Variants in COL11A1 observed in about 807,000 individuals in gnomAD.
The protein encoded by COL11A1 is collagen alpha-1(XI) chain.
A neutral mutation model predicts 265.2 loss-of-function variants in COL11A1; 74 were observed. The ratio of observed to expected loss-of-function variants is 0.28; its 90% confidence interval spans 0.23 to 0.34. The LOEUF (loss-of-function observed/expected upper bound fraction) is 0.34. Ranked by LOEUF, COL11A1 falls within the 10% of genes least tolerant of loss-of-function variation. The probability of loss-of-function intolerance (pLI) is 1.00; values close to 1 mark genes in which losing one functional copy is unlikely to be tolerated. For synonymous variants in COL11A1, 816 were observed against 727.6 expected (o/e 1.12, Z -1.96); for missense variants, 2,165 against 2,263.6 (o/e 0.96, Z 0.88).
intron 1 of COL11A1, among the ~76,000 whole-genome samples, chr1:103,090,121 C>T (rs536576959): frequency 6.6e-6 from 1 of 151,264 alleles, no homozygotes; most frequent in East Asian, 1.9e-4. Flanking sequence ...GGCTTTGTCT[C>T]AAAATAAATA....
At chr1:102,933,815 G>A (rs1440578298) in intron 46 of COL11A1, among the ~76,000 whole-genome samples, 2 of 152,166 alleles carry the variant, frequency 1.3e-5, no homozygotes, top group African/African-American at 4.8e-5. Context: ...TAAGCCGGTC[G>A]GAAAAGTGCA....
chr1:102,880,226 A>T (rs1650058918), intron 65 of COL11A1, among the ~76,000 whole-genome samples: 1 of 152,184 alleles, frequency 6.6e-6, no homozygotes, highest in African/African-American at 2.4e-5. Flanking sequence ...AAATGTTTCA[A>T]TATATTTCTG....
chr1:102,923,515 T>C, intron 46 of COL11A1, 126 bp from the exon 47 acceptor site: 6 of 719,098 alleles, frequency 8.3e-6, no homozygotes, highest in South Asian at 1.8e-5. Flanking sequence ...ATTCAGATAC[T>C]AACATTTGTT....
At position 102,888,559 on chromosome 1, in the gene COL11A1, T is replaced by C. The variant is rs17127203; in HGVS notation, c.4608+18A>G. 0.12 allele frequency: 194,358 copies of C among 1,607,942 alleles called. 13,632 individuals carry two copies. The highest frequency in any genetic ancestry group is 0.29 in the East Asian group (12,953 of 44,794). On this transcript the variant is annotated intron_variant, in intron 62 of 66. Coordinates refer to ENST00000370096, the MANE Select transcript of COL11A1 (RefSeq NM_001854.4). ...GATGCAAACTGTCAGAACATCACTC[T>C]TGTTAACATATACTTACTGGAGACC...
At chr1:102,935,781 T>C (rs1658075077) in intron 44 of COL11A1, among the ~76,000 whole-genome samples, 1 of 152,200 alleles carries the variant, frequency 6.6e-6, no homozygotes, top group South Asian at 2.1e-4. Context: ...TATTGTTCTG[T>C]ATTGTAACTA....
intron 46 of COL11A1, among the ~76,000 whole-genome samples, chr1:102,928,503 T>A (rs1656925782): frequency 6.6e-6 from 1 of 152,202 alleles, no homozygotes; most frequent in African/African-American, 2.4e-5. Flanking sequence ...TCTATCATTG[T>A]TGGACATTTG....
At chr1:102,976,274 C>A (rs1662455675) in intron 35 of COL11A1, among the ~76,000 whole-genome samples, 1 of 115,506 alleles carries the variant, frequency 8.7e-6, no homozygotes, top group Admixed American at 9.8e-5. Flanking sequence ...TATAAAATTT[C>A]ACAGAAAACG....
chr1:102,899,040 T>C lies in COL11A1; in HGVS notation c.4087-46A>G, dbSNP rs770004206. 13 of 1,112,358 alleles carry C rather than the reference T, an allele frequency of 1.2e-5. No individual in the cohort carries two copies. The South Asian group carries it at 2.1e-4, about 18-fold the overall frequency. 68.9% of individuals were successfully genotyped at this position (1,112,358 alleles called of 1,614,324 possible). On this transcript the variant is annotated intron_variant, in intron 54 of 66. Coordinates refer to ENST00000370096, the MANE Select transcript of COL11A1 (RefSeq NM_001854.4). ...GTAAAATATGTATCACATATAAAAG[T>C]AATGTTAATGAGCACTTGTTTACAA...
intron 42 of COL11A1, among the ~76,000 whole-genome samples, chr1:102,946,359 T>C (rs1156339253): frequency 2.0e-5 from 3 of 151,824 alleles, no homozygotes; most frequent in Admixed American, 6.6e-5. Flanking sequence ...TAAAATCCAA[T>C]AGATATTAGA....
rs577043407 is a variant in COL11A1, at chr1:103,049,123, T to C, written c.652-17879A>G. Among the ~76,000 whole-genome samples the C allele has an allele frequency of 3.0e-4, 46 of 152,330 alleles. 1 individual carries two copies. The highest frequency in any genetic ancestry group is 5.3e-4 in the Non-Finnish European group (36 of 68,024). ...GCAGATGTCTATTAGGTCCACTTGGTGCAGAGCTGAGTTCAATTCCTGGGT... is the reference window on the plus strand; with the variant it reads ...GCAGATGTCTATTAGGTCCACTTGGCGCAGAGCTGAGTTCAATTCCTGGGT... On this transcript the variant is annotated intron_variant, in intron 4 of 66. Transcript: ENST00000370096.
At chr1:103,035,446 A>C (rs1668291122) in intron 4 of COL11A1, among the ~76,000 whole-genome samples, 2 of 152,120 alleles carry the variant, frequency 1.3e-5, no homozygotes, top group African/African-American at 2.4e-5. Flanking sequence ...GCTGACATAA[A>C]TGAAATATTA....
chr1:103,086,609 G>C (rs1047970236), intron 1 of COL11A1, among the ~76,000 whole-genome samples: 2 of 151,966 alleles, frequency 1.3e-5, no homozygotes, highest in African/African-American at 4.8e-5. Flanking sequence ...GTAGAGACGG[G>C]GTTTCACAGT....
intron 53 of COL11A1, among the ~76,000 whole-genome samples, chr1:102,912,837 C>T (rs576695010): frequency 6.6e-6 from 1 of 152,166 alleles, no homozygotes; most frequent in South Asian, 2.1e-4. Context: ...CTTCACTTTG[C>T]ACTCCTCTCT....
intron 11 of COL11A1, among the ~76,000 whole-genome samples, chr1:103,016,954 G>A (rs1019873178): frequency 1.3e-5 from 2 of 151,850 alleles, no homozygotes; most frequent in African/African-American, 4.8e-5. Context: ...ACCTGATATA[G>A]AGTTTAAGGT....
chr1:103,074,234 G>C (rs1198947291), intron 4 of COL11A1, among the ~76,000 whole-genome samples: 1 of 151,976 alleles, frequency 6.6e-6, no homozygotes, highest in African/African-American at 2.4e-5. Context: ...AAAGAACAGA[G>C]GAAGGCAAAA....
At chr1:103,004,395 G>A in intron 20 of COL11A1, 49 bp downstream of exon 20, 1 of 1,378,420 alleles carries the variant, frequency 7.3e-7, no homozygotes, top group East Asian at 2.3e-5. Flanking sequence ...CCAGTCACTA[G>A]TCCTAAAAAC....
At chr1:103,025,762 T>A (rs1164958487) in intron 6 of COL11A1, 149 bp from the exon 7 acceptor site, 3 of 1,609,846 alleles carry the variant, frequency 1.9e-6, no homozygotes, top group South Asian at 2.2e-5. Context: ...ATCTTCCAGC[T>A]TATCTAGGAT....
chr1:102,998,505 T>A lies in COL11A1; in HGVS notation c.2143-142A>T, dbSNP rs10874672. Reference sequence around the variant, plus strand: ...TAACCATTTAAATAACTTTTAAATATATTATTTGGAGGAAATGCCATGTAA... The same window carrying A: ...TAACCATTTAAATAACTTTTAAATAAATTATTTGGAGGAAATGCCATGTAA... On this transcript the variant is annotated intron_variant, in intron 24 of 66. Transcript: ENST00000370096. 0.88 allele frequency: 444,617 copies of A among 505,760 alleles called. 198,408 individuals are homozygous for A. Among genetic ancestry groups the A allele is most frequent in the East Asian group, 0.94 (27,519 of 29,280 alleles). 31.3% of individuals were successfully genotyped at this position (505,760 alleles called of 1,614,324 possible). A position where few individuals can be genotyped will look rare whatever the true frequency, so the allele number is the denominator to read the frequency against.
intron 9 of COL11A1, among the ~76,000 whole-genome samples, chr1:103,020,651 T>C (rs112576988): frequency 0.63 from 37,638 of 59,700 alleles, 12,741 homozygotes; most frequent in East Asian, 0.9. Context: ...GTTTTAGACA[T>C]GAAGTCCTTG....
Sources: gnomAD v4.1 joint callset for allele counts (sites outside exome capture counted in the v4.1 genomes callset) on GRCh38, gnomAD v4.1.1 for gene constraint, MANE v1.5 for transcripts, NCBI Gene and HGNC (gene_info 2026-07-23, HGNC 2026-07-21) for gene names.